The following CCDC7 variants were observed in gnomAD, a reference collection of about 807,000 sequenced individuals.
CCDC7 encodes the protein coiled-coil domain-containing protein 7.
Under a neutral mutation model 196.9 loss-of-function variants are expected in CCDC7, and 183 were observed. The observed-to-expected ratio is 0.93, with a 90% CI of 0.82 to 1.05. The LOEUF (loss-of-function observed/expected upper bound fraction) is 1.05. Ranked by LOEUF, CCDC7 falls within the 50% of genes least tolerant of loss-of-function variation. CCDC7 has a pLI of 0.00. For synonymous variants in CCDC7, 525 were observed against 484.6 expected (o/e 1.08, Z -1.10); for missense variants, 1,540 against 1,482.2 (o/e 1.04, Z -0.64).
At chr10:32,664,685 T>A (rs2072261749) in intron 21 of CCDC7, among the ~76,000 whole-genome samples, 1 of 152,096 alleles carries the variant, frequency 6.6e-6, no homozygotes, top group African/African-American at 2.4e-5. Context: ...TTCCTTTTTT[T>A]AAGGGTGATT....
rs1057354400 is a variant in CCDC7 at position 32,834,726 on chromosome 10, A to G, written c.3269-89A>G. On this transcript the variant is annotated intron_variant, in intron 32 of 41. Coordinates refer to ENST00000639629, the Ensembl canonical transcript of CCDC7. ...CTAATTAAGTTATTACTATTCATACATACAAATATACTATCACATACACAC... is the reference window on the plus strand; with the variant it reads ...CTAATTAAGTTATTACTATTCATACGTACAAATATACTATCACATACACAC... 66 of 554,900 alleles carry G rather than the reference A, an allele frequency of 1.2e-4. No homozygotes were observed. The South Asian group carries it at 1.3e-3, about 11-fold the overall frequency. The allele number at this position is 554,900 out of a possible 1,614,324, so 34.4% of individuals were successfully genotyped here.
intron 26 of CCDC7, among the ~76,000 whole-genome samples, chr10:32,727,717 G>A (rs576792313): frequency 3.9e-5 from 6 of 152,104 alleles, no homozygotes; most frequent in East Asian, 1.9e-4. Context: ...TTTCCTGCTG[G>A]TCAGTCTTTT....
intron 28 of CCDC7, among the ~76,000 whole-genome samples, chr10:32,735,296 G>T: frequency 6.6e-6 from 1 of 152,134 alleles, no homozygotes; most frequent in Non-Finnish European, 1.5e-5. Flanking sequence ...CTTCAAAGTT[G>T]CTGTAGTGTT....
chr10:32,612,883 T>TC (rs1369641726), intron 18 of CCDC7, among the ~76,000 whole-genome samples: 1 of 151,872 alleles, frequency 6.6e-6, no homozygotes, highest in African/African-American at 2.4e-5. Flanking sequence ...TTTCTTTGTT[T>TC]TTTTTTTTGT....
At chr10:32,636,099 T>C (rs868293676) in intron 20 of CCDC7, among the ~76,000 whole-genome samples, 1 of 152,234 alleles carries the variant, frequency 6.6e-6, no homozygotes, top group East Asian at 1.9e-4. Context: ...TCTCTACTAA[T>C]AGTTTATTAC....
At chr10:32,632,069 T>C (rs1015547734) in intron 18 of CCDC7, among the ~76,000 whole-genome samples, 1 of 148,424 alleles carries the variant, frequency 6.7e-6, no homozygotes, top group Non-Finnish European at 1.5e-5. Flanking sequence ...TAAATTTCTT[T>C]ATAAAACATT....
intron 11 of CCDC7, among the ~76,000 whole-genome samples, chr10:32,540,013 T>G (rs1382673607): frequency 6.6e-6 from 1 of 152,128 alleles, no homozygotes; most frequent in African/African-American, 2.4e-5. Flanking sequence ...TTGTGTAGTG[T>G]CTATTTGTCC....
intron 11 of CCDC7, among the ~76,000 whole-genome samples, chr10:32,540,506 A>G (rs2051233794): frequency 6.6e-6 from 1 of 152,186 alleles, no homozygotes; most frequent in African/African-American, 2.4e-5. Context: ...TAATTTGGGC[A>G]TTTAGCCCAT....
intron 31 of CCDC7, among the ~76,000 whole-genome samples, chr10:32,821,812 G>T (rs925255544): frequency 6.6e-6 from 1 of 152,114 alleles, no homozygotes; most frequent in Non-Finnish European, 1.5e-5. Flanking sequence ...GGCCTGTTGT[G>T]GGGTGGGGGT....
chr10:32,677,408 C>T (rs901757129), intron 21 of CCDC7, among the ~76,000 whole-genome samples: 35 of 151,782 alleles, frequency 2.3e-4, no homozygotes, highest in African/African-American at 7.2e-4. Flanking sequence ...CCTTGTAAGG[C>T]TGGTCTAGTG....
At chr10:32,571,626 A>G (rs935829667) in intron 15 of CCDC7, among the ~76,000 whole-genome samples, 1 of 152,144 alleles carries the variant, frequency 6.6e-6, no homozygotes, top group Non-Finnish European at 1.5e-5. Context: ...TACTAAAAGT[A>G]TAAAACCTTA....
chr10:32,770,243 G>T (rs990302560), intron 28 of CCDC7, among the ~76,000 whole-genome samples: 3 of 152,156 alleles, frequency 2.0e-5, no homozygotes, highest in East Asian at 1.9e-4. Flanking sequence ...TTTATTTGAT[G>T]TAGGCATTTA....
intron 25 of CCDC7, among the ~76,000 whole-genome samples, chr10:32,716,072 G>A (rs907379432): frequency 1.3e-5 from 2 of 152,050 alleles, no homozygotes; most frequent in Non-Finnish European, 2.9e-5. Flanking sequence ...GATACTCCCC[G>A]AGTAGAGCAA....
chr10:32,469,399 G>T (rs902622439), intron 5 of CCDC7, among the ~76,000 whole-genome samples: 2 of 152,240 alleles, frequency 1.3e-5, no homozygotes, highest in Non-Finnish European at 2.9e-5. Context: ...GCAGGGCTAA[G>T]ATGCAGAACT....
rs937620874 is a variant in CCDC7, at chr10:32,836,859, C to T, written c.3352+1961C>T. Among the ~76,000 whole-genome samples, 26 of 152,210 alleles carry T rather than the reference C, an allele frequency of 1.7e-4. 1 individual carries two copies. The highest frequency in any genetic ancestry group is 1.7e-3 in the Admixed American group (26 of 15,258). Reference sequence around the variant, plus strand: ...TATTTAACAAATGGTGCTGGGAAAACTGGCTAGCCATATGTAGAAAGCTGA... The same window carrying T: ...TATTTAACAAATGGTGCTGGGAAAATTGGCTAGCCATATGTAGAAAGCTGA... On this transcript the variant is annotated intron_variant, in intron 33 of 41. Coordinates refer to ENST00000639629, the Ensembl canonical transcript of CCDC7.
chr10:32,861,532 A>C (rs2093983710), intron 41 of CCDC7, among the ~76,000 whole-genome samples: 1 of 152,226 alleles, frequency 6.6e-6, no homozygotes, highest in African/African-American at 2.4e-5. Flanking sequence ...CATGACTAAA[A>C]CACCAAAAGC....
At chr10:32,759,398 A>G (rs150328741) in intron 28 of CCDC7, among the ~76,000 whole-genome samples, 131 of 152,358 alleles carry the variant, frequency 8.6e-4, no homozygotes, top group African/African-American at 2.8e-3. Context: ...AAACAGAGAT[A>G]TGGACCAATG....
chr10:32,643,129 T>C (rs572581186), intron 20 of CCDC7, among the ~76,000 whole-genome samples: 1 of 152,316 alleles, frequency 6.6e-6, no homozygotes, highest in South Asian at 2.1e-4. Flanking sequence ...TCTCCTCCTA[T>C]TATTTTGGAT....
intron 3 of CCDC7, among the ~76,000 whole-genome samples, chr10:32,459,749 G>T (rs1327828402): frequency 7.8e-6 from 1 of 128,766 alleles, no homozygotes; most frequent in African/African-American, 3.0e-5. Context: ...AATTTTATAT[G>T]TATAGCATTT....
Sources: gnomAD v4.1 joint callset for allele counts (sites outside exome capture counted in the v4.1 genomes callset) on GRCh38, gnomAD v4.1.1 for gene constraint, MANE v1.5 for transcripts, NCBI Gene and HGNC (gene_info 2026-07-23, HGNC 2026-07-21) for gene names.